The following ADAMTS18 variants were observed in gnomAD, a reference collection of about 807,000 sequenced individuals.
ADAMTS18 encodes the protein ADAM metallopeptidase with thrombospondin type 1 motif 18.
ADAMTS18 carries 157 observed loss-of-function variants against 165.9 expected under a neutral mutation model. That is an observed-to-expected ratio of 0.95 (90% CI 0.83 to 1.08). The LOEUF (loss-of-function observed/expected upper bound fraction) is 1.08, where lower values mean the gene tolerates loss of function less well. Ranked by LOEUF, ADAMTS18 falls within the 50% of genes least tolerant of loss-of-function variation. ADAMTS18 has a pLI of 0.00. For missense variants in ADAMTS18, 2,040 were observed against 1,534.0 expected, an observed-to-expected ratio of 1.33 and a Z score of -5.51; for synonymous variants, 782 against 578.2, an observed-to-expected ratio of 1.35 and a Z score of -5.06.
chr16:77,404,471 T>C (rs957026790), intron 3 of ADAMTS18, among the ~76,000 whole-genome samples: 44 of 152,144 alleles, frequency 2.9e-4, no homozygotes, highest in African/African-American at 1.0e-3. Flanking sequence ...CCAATGGCCA[T>C]AATAAAATTA....
chr16:77,423,520 C>T (rs768856186), intron 3 of ADAMTS18, among the ~76,000 whole-genome samples: 3 of 152,010 alleles, frequency 2.0e-5, no homozygotes, highest in Non-Finnish European at 4.4e-5. Context: ...GCATCCATAG[C>T]CCCCATGAGA....
chr16:77,288,616 C>T (rs867135563), intron 22 of ADAMTS18, among the ~76,000 whole-genome samples: 1 of 152,094 alleles, frequency 6.6e-6, no homozygotes, highest in African/African-American at 2.4e-5. Context: ...TCACTGATGA[C>T]TATTACTTTT....
chr16:77,352,292 C>T (rs1303070676), intron 10 of ADAMTS18, among the ~76,000 whole-genome samples: 1 of 123,202 alleles, frequency 8.1e-6, no homozygotes, highest in Non-Finnish European at 1.7e-5. Context: ...AGAGATAACA[C>T]AACTAAAATA....
At chr16:77,383,233 A>G (rs2057057758) in intron 3 of ADAMTS18, among the ~76,000 whole-genome samples, 1 of 152,032 alleles carries the variant, frequency 6.6e-6, no homozygotes, top group Admixed American at 6.6e-5. Context: ...TTTCCAAAGC[A>G]TCGCTTTTAA....
At chr16:77,348,421 G>T (rs1034117377) in intron 10 of ADAMTS18, among the ~76,000 whole-genome samples, 1 of 152,196 alleles carries the variant, frequency 6.6e-6, no homozygotes. Flanking sequence ...TCCCATCCGA[G>T]GCAGGCAACC....
intron 3 of ADAMTS18, among the ~76,000 whole-genome samples, chr16:77,409,937 A>G (rs1184710593): frequency 6.6e-6 from 1 of 152,162 alleles, no homozygotes; most frequent in Non-Finnish European, 1.5e-5. Flanking sequence ...TAGAATTCTC[A>G]GTATTTGTCT....
In ADAMTS18 at chr16:77,290,880, G is replaced by C. The variant is rs1042955817; in HGVS notation, c.3402+386C>G. The C allele has an allele frequency of 2.3e-5, 6 of 264,454 alleles. No homozygotes were observed. In the Admixed American group the frequency reaches 4.1e-4, roughly 18 times the overall value. 16.4% of individuals were successfully genotyped at this position (264,454 alleles called of 1,614,324 possible). A position where few individuals can be genotyped will look rare whatever the true frequency, so the allele number is the denominator to read the frequency against. On this transcript the variant is annotated intron_variant, in intron 21 of 22. Coordinates refer to ENST00000282849, the MANE Select transcript of ADAMTS18 (RefSeq NM_199355.4). Reference sequence around the variant, plus strand: ...CAAATATTAGCTATTACATTGTTCAGAAACATGATGTAAGAACCAAATGAG... The same window carrying C: ...CAAATATTAGCTATTACATTGTTCACAAACATGATGTAAGAACCAAATGAG...
intron 3 of ADAMTS18, among the ~76,000 whole-genome samples, chr16:77,411,744 T>C (rs2057466629): frequency 2.2e-5 from 3 of 137,662 alleles, no homozygotes; most frequent in Non-Finnish European, 4.6e-5. Context: ...TGGAGTGCAG[T>C]GGCGCAATCT....
At chr16:77,404,627 T>C (rs1567544591) in intron 3 of ADAMTS18, among the ~76,000 whole-genome samples, 1 of 152,190 alleles carries the variant, frequency 6.6e-6, no homozygotes, top group African/African-American at 2.4e-5. Context: ...GTTTTGTCTG[T>C]TCTGTTTGTG....
chr16:77,368,275 G>C (rs1227852243), intron 3 of ADAMTS18, among the ~76,000 whole-genome samples: 1 of 152,230 alleles, frequency 6.6e-6, no homozygotes, highest in African/African-American at 2.4e-5. Flanking sequence ...CAACCACTGG[G>C]CTGCCAGCCC....
At chr16:77,291,229 A>T in intron 21 of ADAMTS18, 37 bp downstream of exon 21, 1 of 1,609,402 alleles carries the variant, frequency 6.2e-7, no homozygotes, top group Non-Finnish European at 8.5e-7. Context: ...TCGACATCTC[A>T]CTTGAATAGA....
At chr16:77,416,729 A>G (rs914672716) in intron 3 of ADAMTS18, among the ~76,000 whole-genome samples, 2 of 152,202 alleles carry the variant, frequency 1.3e-5, no homozygotes, top group East Asian at 3.9e-4. Flanking sequence ...ACTATGCTCA[A>G]TGTAAAGCCA....
chr16:77,394,041 T>C (rs1464665429), intron 3 of ADAMTS18, among the ~76,000 whole-genome samples: 1 of 152,232 alleles, frequency 6.6e-6, no homozygotes, highest in Admixed American at 6.5e-5. Flanking sequence ...CATTACATGA[T>C]TGATGACGAT....
chr16:77,368,960 C>T (rs1024732798), intron 3 of ADAMTS18, among the ~76,000 whole-genome samples: 1 of 152,208 alleles, frequency 6.6e-6, no homozygotes, highest in Admixed American at 6.5e-5. Context: ...AGCCAAGATG[C>T]ACCCTTGTCT....
intron 3 of ADAMTS18, among the ~76,000 whole-genome samples, chr16:77,428,498 C>A (rs1448004964): frequency 6.6e-6 from 1 of 152,082 alleles, no homozygotes; most frequent in Non-Finnish European, 1.5e-5. Context: ...TCAATCAGAA[C>A]AGCTAAAATG....
chr16:77,371,174 T>A (rs1188609857), intron 3 of ADAMTS18, among the ~76,000 whole-genome samples: 3 of 151,924 alleles, frequency 2.0e-5, no homozygotes, highest in Non-Finnish European at 4.4e-5. Context: ...GAAATCATTC[T>A]ATTGCACTCC....
chr16:77,336,052 T>C, intron 11 of ADAMTS18, 148 bp from the exon 12 acceptor site: 1 of 955,250 alleles, frequency 1.0e-6, no homozygotes. Context: ...TCTGCTGTGC[T>C]CTAAAAACAC....
intron 2 of ADAMTS18, among the ~76,000 whole-genome samples, chr16:77,433,975 G>A (rs2057767117): frequency 6.6e-6 from 1 of 152,042 alleles, no homozygotes; most frequent in Non-Finnish European, 1.5e-5. Flanking sequence ...AGAAGAGATA[G>A]AAAAGGAACA....
rs752322913 is a variant in ADAMTS18 at position 77,322,478 on chromosome 16, G to A, written c.2033-12C>T. The stretch of plus-strand genomic sequence containing the variant: ...GCATCGATCTTCCTCTAGAAACAAA[G>A]AGATCAAGATAGGAAATGGTCAAGA... On this transcript the variant is annotated splice_polypyrimidine_tract_variant and intron_variant, in intron 13 of 22. Coordinates refer to ENST00000282849, the MANE Select transcript of ADAMTS18 (RefSeq NM_199355.4). The A allele has an allele frequency of 6.2e-7, 1 of 1,613,676 alleles. No individual in the cohort carries two copies. The highest frequency in any genetic ancestry group is 1.7e-5 in the Admixed American group (1 of 60,008).
Sources: allele counts gnomAD v4.1 joint callset (sites outside exome capture counted in the v4.1 genomes callset), GRCh38; gene constraint gnomAD v4.1.1; transcripts MANE v1.5; gene names NCBI Gene and HGNC (gene_info 2026-07-23, HGNC 2026-07-21).